LDAH: variants seen among roughly 807,000 people sequenced by gnomAD.
LDAH encodes lipid droplet associated hydrolase, also known as lipid droplet-associated hydrolase.
A neutral mutation model predicts 29.6 loss-of-function variants in LDAH; 26 were observed. The observed-to-expected ratio is 0.88, with a 90% CI of 0.64 to 1.22. LDAH has a LOEUF of 1.22. LDAH is among the 50% of genes most tolerant of loss of function. The pLI is 0.00. For missense variants in LDAH, 344 were observed against 387.3 expected (o/e 0.89, Z 0.94); for synonymous variants, 117 against 133.0 (o/e 0.88, Z 0.83).
chr2:20,776,924 C>T (rs1293940259), intron 3 of LDAH, among the ~76,000 whole-genome samples: 2 of 152,118 alleles, frequency 1.3e-5, no homozygotes, highest in South Asian at 2.1e-4. Flanking sequence ...AGATGAGATA[C>T]ATCTGGGTTT....
At chr2:20,785,809 C>A (rs1572627790) in intron 3 of LDAH, among the ~76,000 whole-genome samples, 1 of 151,766 alleles carries the variant, frequency 6.6e-6, no homozygotes, top group African/African-American at 2.4e-5. Context: ...GCTGGTGAGT[C>A]CATCAAAGGC....
chr2:20,810,034 A>T lies in LDAH; in HGVS notation c.-2-8569T>A, dbSNP rs1486169585. Among the ~76,000 whole-genome samples, 6 of 152,260 alleles carry T rather than the reference A, an allele frequency of 3.9e-5. No individual in the cohort carries two copies. In the East Asian group the frequency reaches 1.2e-3, roughly 29 times the overall value. On this transcript the variant is annotated intron_variant, in intron 1 of 6. Coordinates refer to ENST00000237822, the MANE Select transcript of LDAH (RefSeq NM_021925.4). The stretch of plus-strand genomic sequence containing the variant: ...TATCTAAAATATTACTTTAAAACTT[A>T]GTGGCTTAAGACAACCATTTACTAT...
chr2:20,820,118 C>T (rs1445954232), intron 1 of LDAH, among the ~76,000 whole-genome samples: 32 of 151,934 alleles, frequency 2.1e-4, no homozygotes, highest in African/African-American at 7.0e-4. Flanking sequence ...TAAAAGAGGA[C>T]ACAAACAAAT....
chr2:20,717,623 A>G (rs757837325), intron 5 of LDAH, among the ~76,000 whole-genome samples: 68 of 152,370 alleles, frequency 4.5e-4, no homozygotes, highest in Non-Finnish European at 7.9e-4. Context: ...TTCTGCCTCT[A>G]TGAAAGAAAA....
chr2:20,752,217 A>T (rs77669222), intron 4 of LDAH, among the ~76,000 whole-genome samples: 2 of 145,350 alleles, frequency 1.4e-5, no homozygotes, highest in African/African-American at 5.2e-5. Context: ...AAAAAAAAAA[A>T]TTTATACTTC....
At chr2:20,794,297 A>G (rs559212983) in intron 2 of LDAH, among the ~76,000 whole-genome samples, 5 of 152,248 alleles carry the variant, frequency 3.3e-5, no homozygotes, top group African/African-American at 1.2e-4. Flanking sequence ...CTCCCACAAC[A>G]CGTGGAAATT....
chr2:20,785,207 C>G (rs1433361655), intron 3 of LDAH, among the ~76,000 whole-genome samples: 1 of 151,920 alleles, frequency 6.6e-6, no homozygotes, highest in Non-Finnish European at 1.5e-5. Context: ...CCCTAAAGAA[C>G]TTCTTTTAAT....
chr2:20,726,859 G>T (rs1666055777), intron 5 of LDAH, among the ~76,000 whole-genome samples: 1 of 152,062 alleles, frequency 6.6e-6, no homozygotes, highest in African/African-American at 2.4e-5. Context: ...AAAAAATAAT[G>T]CAACTTTTTA....
chr2:20,749,594 G>A (rs1250728446), intron 4 of LDAH, among the ~76,000 whole-genome samples: 2 of 152,122 alleles, frequency 1.3e-5, no homozygotes, highest in African/African-American at 4.8e-5. Flanking sequence ...AGCTGCCCCA[G>A]GACACTCTCA....
chr2:20,704,588 A>T (rs971449799), intron 5 of LDAH, among the ~76,000 whole-genome samples: 1 of 152,240 alleles, frequency 6.6e-6, no homozygotes, highest in Non-Finnish European at 1.5e-5. Flanking sequence ...CACTATTGTA[A>T]AGATACATTA....
Position 20,686,798 on chromosome 2 carries a change from T to A in LDAH, c.*105A>T. The A allele has an allele frequency of 9.3e-7, 1 of 1,078,950 alleles. No homozygotes were observed. The allele number at this position is 1,078,950 out of a possible 1,614,324, so 66.8% of individuals were successfully genotyped here. A position where few individuals can be genotyped will look rare whatever the true frequency, so the allele number is the denominator to read the frequency against. ...GTTTGTAAGACAAAGGTTCTCACTT[T>A]CTTCATTTCTAATATCAGTCTTCAA... On this transcript the variant is annotated 3_prime_UTR_variant, in exon 7 of 7. Transcript: ENST00000237822.
At chr2:20,755,123 CTGTGTTTGTGTGTGTG>C (rs1317207339) in intron 4 of LDAH, among the ~76,000 whole-genome samples, 13 of 85,858 alleles carry the variant, frequency 1.5e-4, no homozygotes, top group South Asian at 4.5e-4. Context: ...TATTGTGTGT[CTGTGTTTGTGTGTGTG>C]TGTGTGTGTG....
chr2:20,762,991 A>G (rs1668792802), intron 4 of LDAH, among the ~76,000 whole-genome samples: 1 of 152,264 alleles, frequency 6.6e-6, no homozygotes, highest in Non-Finnish European at 1.5e-5. Context: ...GCTTCAATCA[A>G]CTTCCACTGA....
At chr2:20,695,234 T>C (rs1324747562) in intron 6 of LDAH, among the ~76,000 whole-genome samples, 2 of 152,230 alleles carry the variant, frequency 1.3e-5, no homozygotes, top group East Asian at 1.9e-4. Context: ...GGCTGTTGTT[T>C]AGAATGGCAT....
rs575752239 is a variant in LDAH, at chr2:20,749,360, T to TA, written c.469-9156dup. ...ATACAGGGTTATTCAGTGAAACCAG[T>TA]AAAAAAATTATTCCCTATTTAACTT... On this transcript the variant is annotated intron_variant, in intron 4 of 6. Coordinates refer to ENST00000237822, the MANE Select transcript of LDAH (RefSeq NM_021925.4). Among the ~76,000 whole-genome samples the TA allele has an allele frequency of 9.6e-4, 146 of 152,212 alleles. 2 individuals carry two copies. The highest frequency in any genetic ancestry group is 3.4e-3 in the African/African-American group (143 of 41,530).
intron 5 of LDAH, among the ~76,000 whole-genome samples, chr2:20,726,187 G>A (rs190800624): frequency 1.3e-5 from 2 of 152,338 alleles, no homozygotes; most frequent in South Asian, 4.2e-4. Flanking sequence ...GTACTTGAGT[G>A]GGGGAGAAAG....
At chr2:20,765,607 T>A (rs116446495) in intron 4 of LDAH, among the ~76,000 whole-genome samples, 7,657 of 152,190 alleles carry the variant, frequency 0.05, 621 homozygotes, top group African/African-American at 0.17. Context: ...GTTCTTTTGC[T>A]CCATGTGGTG....
rs115518872 is a variant in LDAH at position 20,733,985 on chromosome 2, C to G, written c.703+5986G>C. 4.4e-3 allele frequency among the ~76,000 whole-genome samples: 676 copies of G among 152,262 alleles called. 7 individuals are homozygous for G. Among genetic ancestry groups the G allele is most frequent in the African/African-American group, 0.015 (639 of 41,552 alleles). On this transcript the variant is annotated intron_variant, in intron 5 of 6. Coordinates refer to ENST00000237822, the MANE Select transcript of LDAH (RefSeq NM_021925.4). ...TTCTAGTTTGATTCCACTGTGGTCA[C>G]TGAACATACTCTGTATGGTTTCAAT...
intron 5 of LDAH, among the ~76,000 whole-genome samples, chr2:20,705,625 T>C (rs144914661): frequency 2.6e-5 from 4 of 152,304 alleles, no homozygotes; most frequent in Admixed American, 2.6e-4. Context: ...AGAATACTAT[T>C]ATATTGTCTA....
Sources: gnomAD v4.1 joint callset for allele counts (sites outside exome capture counted in the v4.1 genomes callset) on GRCh38, gnomAD v4.1.1 for gene constraint, MANE v1.5 for transcripts, NCBI Gene and HGNC (gene_info 2026-07-23, HGNC 2026-07-21) for gene names.